Variants in GSTP1 observed in about 807,000 individuals in gnomAD.
GSTP1 encodes the protein glutathione S-transferase P.
GSTP1 carries 28 observed loss-of-function variants against 29.4 expected under a neutral mutation model. The ratio of observed to expected loss-of-function variants is 0.95; its 90% CI spans 0.71 to 1.30. The LOEUF is 1.30. Among genes scored for constraint, GSTP1 ranks in the 50% most tolerant of loss-of-function variants. The probability of loss-of-function intolerance (pLI) is 0.00; values close to 1 mark genes in which losing one functional copy is unlikely to be tolerated. For missense variants in GSTP1, 267 were observed against 266.1 expected (o/e 1.00, Z -0.02); for synonymous variants, 122 against 117.0 (o/e 1.04, Z -0.28).
At chr11:67,584,195 G>GGGAGGC in intron 2 of GSTP1, 26 bp downstream of exon 2, 1 of 1,590,400 alleles carries the variant, frequency 6.3e-7, no homozygotes, top group African/African-American at 1.3e-5. Context: ...TGGCAGGGAA[G>GGGAGGC]GGAGGCAGGG....
At chr11:67,585,298 G>A in intron 5 of GSTP1, 57 bp downstream of exon 5, 1 of 1,202,574 alleles carries the variant, frequency 8.3e-7, no homozygotes, top group Non-Finnish European at 1.2e-6. Context: ...GGGGCTTCTT[G>A]TGCCCTCACC....
At chr11:67,584,233 C>T (rs1318199625) in intron 2 of GSTP1, 64 bp downstream of exon 2, 1 of 1,321,272 alleles carries the variant, frequency 7.6e-7, no homozygotes. Context: ...CAGCCCCTCG[C>T]CCACCCGGAG....
Position 67,584,573 on chromosome 11 carries a change from A to G in GSTP1, c.144+3A>G. 1 of 1,595,072 alleles carries G rather than the reference A, an allele frequency of 6.3e-7. No homozygotes were observed. Among genetic ancestry groups the G allele is most frequent in the Non-Finnish European group, 8.6e-7 (1 of 1,164,540 alleles). On this transcript the variant is annotated splice_donor_region_variant and intron_variant, in intron 3 of 6. Transcript: ENST00000398606. The stretch of plus-strand genomic sequence containing the variant: ...AGGGCTCACTCAAAGCCTCCTGCGT[A>G]AGTGACCATGCCCGGGCAAGGGGAG...
At chr11:67,585,928 G>A (rs1867459848) in intron 5 of GSTP1, among the ~76,000 whole-genome samples, 176 bp from the exon 6 acceptor site, 1 of 152,090 alleles carries the variant, frequency 6.6e-6, no homozygotes, top group South Asian at 2.1e-4. Context: ...AGGATGGACA[G>A]GCAGAATGGA....
chr11:67,584,308 C>T, intron 2 of GSTP1, 139 bp downstream of exon 2: 1 of 737,784 alleles, frequency 1.4e-6, no homozygotes, highest in Non-Finnish European at 2.3e-6. Flanking sequence ...CTGTTCCCCG[C>T]CTCTCCCGCC....
rs1485761050 is a variant in GSTP1 at position 67,583,860 on chromosome 11, C to G, written c.1+16C>G. The G allele has an allele frequency of 1.3e-6, 1 of 744,364 alleles. No individual in the cohort carries two copies. The highest frequency in any genetic ancestry group is 2.5e-6 in the Non-Finnish European group (1 of 403,512). The allele number at this position is 744,364 out of a possible 1,614,324, so 46.1% of individuals were successfully genotyped here. A position where few individuals can be genotyped will look rare whatever the true frequency, so the allele number is the denominator to read the frequency against. The stretch of plus-strand genomic sequence containing the variant: ...TTCGCCACCAGTGAGTACGCGCGGC[C>G]CGCGTCCCCGGGGATGGGGCTCAGA... On this transcript the variant is annotated intron_variant, in intron 1 of 6. Coordinates refer to ENST00000398606, the MANE Select transcript of GSTP1 (RefSeq NM_000852.4).
chr11:67,584,370 C>T, intron 2 of GSTP1, 94 bp from the exon 3 acceptor site: 2 of 742,998 alleles, frequency 2.7e-6, no homozygotes, highest in Non-Finnish European at 4.4e-6. Flanking sequence ...GAACCTGTTT[C>T]CCTGTTCCCT....
intron 4 of GSTP1, 42 bp from the exon 5 acceptor site, chr11:67,585,096 G>A (rs2134394071): frequency 7.7e-7 from 1 of 1,293,732 alleles, no homozygotes; most frequent in Non-Finnish European, 1.1e-6. Flanking sequence ...GTGTTGATCA[G>A]GCGCCCAGTC....
chr11:67,584,676 C>T lies in GSTP1; in HGVS notation c.145-9C>T. On this transcript the variant is annotated splice_polypyrimidine_tract_variant and intron_variant, in intron 3 of 6. Transcript: ENST00000398606. ...AGTGCCCCTCCCTGAGCCATGCCTC[C>T]CCCAACAGCTATACGGGCAGCTCCC... 1 of 1,611,688 alleles carries T rather than the reference C, an allele frequency of 6.2e-7. No homozygotes were observed. The highest frequency in any genetic ancestry group is 8.5e-7 in the Non-Finnish European group (1 of 1,178,016).
Position 67,584,526 on chromosome 11 carries a change from G to A in GSTP1, c.100G>A (p.Val34Met). 1 of 1,589,152 alleles carries A rather than the reference G, an allele frequency of 6.3e-7. No individual in the cohort carries two copies. Among genetic ancestry groups the A allele is most frequent in the East Asian group, 2.3e-5 (1 of 43,072 alleles). ...GGGCCAGAGCTGGAAGGAGGAGGTGGTGACCGTGGAGACGTGGCAGGAGGG... is the reference window on the plus strand; with the variant it reads ...GGGCCAGAGCTGGAAGGAGGAGGTGATGACCGTGGAGACGTGGCAGGAGGG... ...DQGQSWKEEV[V>M]TVETWQEGSL... is the part of the protein sequence containing the mutation. Residue 34 changes from valine to methionine, a missense_variant, in exon 3 of 7, where the codon GTG becomes ATG. Physicochemically the swap from Val to Met is conservative, Grantham distance 21. Coordinates refer to ENST00000398606, the MANE Select transcript of GSTP1 (RefSeq NM_000852.4).
intron 1 of GSTP1, 62 bp downstream of exon 1, chr11:67,583,906 C>T (rs1867420607): frequency 7.2e-6 from 5 of 696,568 alleles, no homozygotes; most frequent in Non-Finnish European, 1.3e-5. Context: ...TGGGGCCAAC[C>T]CGCAGCATCA....
chr11:67,584,401 C>T (rs1342279066), intron 2 of GSTP1, 63 bp from the exon 3 acceptor site: 12 of 914,272 alleles, frequency 1.3e-5, no homozygotes, highest in Non-Finnish European at 1.8e-5. Flanking sequence ...CTGACCCCTC[C>T]CCGGGTTGCT....
intron 5 of GSTP1, among the ~76,000 whole-genome samples, chr11:67,585,713 G>T (rs1454118240): frequency 6.6e-6 from 1 of 152,108 alleles, no homozygotes; most frequent in Admixed American, 6.6e-5. Flanking sequence ...GCTTGCATTT[G>T]TGTCGGGTGG....
In GSTP1 at chr11:67,586,493, C is replaced by T; in HGVS notation, c.549C>T (p.Arg183=). Residue 183 remains arginine, a synonymous_variant, in exon 7 of 7, where the codon CGC becomes CGT. Transcript: ENST00000398606. ...CCCTGCTCTCAGCATATGTGGGGCGCCTCAGTGCCCGGCCCAAGCTCAAGG... is the reference window on the plus strand; with the variant it reads ...CCCTGCTCTCAGCATATGTGGGGCGTCTCAGTGCCCGGCCCAAGCTCAAGG... The part of the protein sequence containing the change: ...AFPLLSAYVG[R]LSARPKLKAF... 2.5e-6 allele frequency: 4 copies of T among 1,614,180 alleles called. No individual in the cohort carries two copies. Among genetic ancestry groups the T allele is most frequent in the Non-Finnish European group, 3.4e-6 (4 of 1,179,988 alleles).
intron 6 of GSTP1, 24 bp downstream of exon 6, chr11:67,586,235 T>G: frequency 6.4e-7 from 1 of 1,573,848 alleles, no homozygotes; most frequent in Non-Finnish European, 8.7e-7. Flanking sequence ...CCCATGCTGT[T>G]CCTTCCTCGC....
In GSTP1 at chr11:67,586,408, A is replaced by G; in HGVS notation, c.464A>G (p.Asn155Ser). 2 of 1,613,756 alleles carry G rather than the reference A, an allele frequency of 1.2e-6. No individual in the cohort carries two copies. The highest frequency in any genetic ancestry group is 1.7e-6 in the Non-Finnish European group (2 of 1,179,828). The part of the protein sequence containing the change: ...VGDQISFADY[N>S]LLDLLLIHEV... Reference sequence around the variant, plus strand: ...CTGCAGATCTCCTTCGCTGACTACAACCTGCTGGACTTGCTGCTGATCCAT... The same window carrying G: ...CTGCAGATCTCCTTCGCTGACTACAGCCTGCTGGACTTGCTGCTGATCCAT... The change falls in exon 7 of 7, where the codon AAC (asparagine) becomes AGC (serine). Residue 155 changes from asparagine to serine, a missense_variant. By Grantham distance (46) the Asn-to-Ser change is conservative. Coordinates refer to ENST00000398606, the MANE Select transcript of GSTP1 (RefSeq NM_000852.4).
In GSTP1 at chr11:67,586,225, C is replaced by T. The variant is rs1390881260; in HGVS notation, c.444+14C>T. On this transcript the variant is annotated intron_variant, in intron 6 of 6. Coordinates refer to ENST00000398606, the MANE Select transcript of GSTP1 (RefSeq NM_000852.4). ...GTGGGAGACCAGGTGAGCATCTGGC[C>T]CCATGCTGTTCCTTCCTCGCCACCC... The T allele has an allele frequency of 1.3e-6, 2 of 1,588,714 alleles. No individual in the cohort carries two copies. The highest frequency in any genetic ancestry group is 1.7e-6 in the Non-Finnish European group (2 of 1,157,532).
Position 67,584,787 on chromosome 11 carries a change from T to TC in GSTP1, c.232+17dup. 6.4e-7 allele frequency: 1 copy of TC among 1,573,588 alleles called. No individual in the cohort carries two copies. The highest frequency in any genetic ancestry group is 8.7e-7 in the Non-Finnish European group (1 of 1,143,450). The stretch of plus-strand genomic sequence containing the variant: ...CCGCACCCTTGGTGAGTCTTGAACC[T>TC]CCAAGTCCAGGGCAGGCATGGGCAA... On this transcript the variant is annotated intron_variant, in intron 4 of 6. Coordinates refer to ENST00000398606, the MANE Select transcript of GSTP1 (RefSeq NM_000852.4).
In GSTP1 at chr11:67,586,496, C is replaced by T. The variant is rs1469124962; in HGVS notation, c.552C>T (p.Leu184=). ...TGCTCTCAGCATATGTGGGGCGCCT[C>T]AGTGCCCGGCCCAAGCTCAAGGCCT... ...FPLLSAYVGR[L]SARPKLKAFL... Residue 184 remains leucine, a synonymous_variant, in exon 7 of 7, where the codon CTC becomes CTT. Coordinates refer to ENST00000398606, the MANE Select transcript of GSTP1 (RefSeq NM_000852.4). The T allele has an allele frequency of 2.5e-6, 4 of 1,613,944 alleles. No homozygotes were observed. Among genetic ancestry groups the T allele is most frequent in the Non-Finnish European group, 3.4e-6 (4 of 1,179,908 alleles).
Sources: allele counts gnomAD v4.1 joint callset (sites outside exome capture counted in the v4.1 genomes callset), GRCh38; gene constraint gnomAD v4.1.1; transcripts MANE v1.5; gene names NCBI Gene and HGNC (gene_info 2026-07-23, HGNC 2026-07-21).